Variants in SPATS2 observed in about 807,000 individuals in gnomAD.
SPATS2 encodes spermatogenesis associated serine rich 2.
SPATS2 carries 38 observed loss-of-function variants against 63.7 expected under a neutral mutation model. That is an observed-to-expected ratio of 0.60 (90% CI 0.46 to 0.78). The LOEUF (loss-of-function observed/expected upper bound fraction) is 0.78. SPATS2 is among the 30% of genes least tolerant of loss of function. The probability of loss-of-function intolerance (pLI) is 0.00; values close to 1 mark genes in which losing one functional copy is unlikely to be tolerated. For synonymous variants in SPATS2, 207 were observed against 232.9 expected, an observed-to-expected ratio of 0.89 and a Z score of 1.01; for missense variants, 588 against 666.2, an observed-to-expected ratio of 0.88 and a Z score of 1.29.
intron 4 of SPATS2, among the ~76,000 whole-genome samples, chr12:49,485,514 A>C (rs1946276583): frequency 6.6e-6 from 1 of 151,616 alleles, no homozygotes; most frequent in Admixed American, 6.6e-5. Flanking sequence ...GGCGTGCATC[A>C]TCACGCCCAG....
intron 2 of SPATS2, among the ~76,000 whole-genome samples, chr12:49,392,524 C>G (rs1944435339): frequency 1.3e-5 from 2 of 152,012 alleles, no homozygotes; most frequent in South Asian, 4.2e-4. Flanking sequence ...ACTAGCCTGG[C>G]CAACATGGCG....
intron 2 of SPATS2, among the ~76,000 whole-genome samples, chr12:49,428,808 C>G (rs1945128818): frequency 6.6e-6 from 1 of 152,112 alleles, no homozygotes; most frequent in Admixed American, 6.6e-5. Context: ...CTCCTAATTG[C>G]CTGGTTTTGT....
At position 49,387,812 on chromosome 12, in the gene SPATS2, G is replaced by A. The variant is rs115574393; in HGVS notation, c.-244+16522G>A. 4.7e-3 allele frequency among the ~76,000 whole-genome samples: 712 copies of A among 152,116 alleles called. 2 individuals carry two copies. Among genetic ancestry groups the A allele is most frequent in the African/African-American group, 0.017 (688 of 41,492 alleles). ...GGGAGTGTGGGGAGGGAGCAGGGGC[G>A]TTCTTACCTAGATCCCCTGCTGACA... On this transcript the variant is annotated intron_variant, in intron 2 of 13. Coordinates refer to ENST00000552918, the MANE Select transcript of SPATS2 (RefSeq NM_023071.4).
At chr12:49,433,355 G>T (rs1229407857) in intron 2 of SPATS2, among the ~76,000 whole-genome samples, 1 of 152,168 alleles carries the variant, frequency 6.6e-6, no homozygotes, top group Non-Finnish European at 1.5e-5. Context: ...TAGAGACAGG[G>T]TTTCACCATG....
chr12:49,494,231 A>T (rs543385232), intron 6 of SPATS2, among the ~76,000 whole-genome samples: 1 of 152,256 alleles, frequency 6.6e-6, no homozygotes, highest in Non-Finnish European at 1.5e-5. Flanking sequence ...TATACCCTCA[A>T]CCTTTATCAA....
intron 3 of SPATS2, chr12:49,462,351 A>G (rs1165828434): frequency 2.8e-6 from 2 of 702,408 alleles, no homozygotes; most frequent in Admixed American, 4.0e-5. Context: ...CAGTACCAGC[A>G]GGGGTGAACT....
At chr12:49,523,121 A>G (rs1188880059) in intron 12 of SPATS2, among the ~76,000 whole-genome samples, 1 of 152,140 alleles carries the variant, frequency 6.6e-6, no homozygotes, top group Non-Finnish European at 1.5e-5. Flanking sequence ...ATGGGGCCCT[A>G]CAGTCAGATC....
chr12:49,447,903 G>A (rs1238373824), intron 2 of SPATS2, among the ~76,000 whole-genome samples: 1 of 151,702 alleles, frequency 6.6e-6, no homozygotes, highest in African/African-American at 2.4e-5. Context: ...CCAACTTTTG[G>A]TTTTATTGCT....
At chr12:49,484,531 G>A (rs1454426672) in intron 3 of SPATS2, 59 bp from the exon 4 acceptor site, 2 of 1,551,504 alleles carry the variant, frequency 1.3e-6, no homozygotes, top group Non-Finnish European at 1.8e-6. Context: ...TGGCCCTTCT[G>A]TCTTAGGGAT....
At chr12:49,418,998 C>T (rs1944936119) in intron 2 of SPATS2, among the ~76,000 whole-genome samples, 2 of 152,164 alleles carry the variant, frequency 1.3e-5, no homozygotes, top group Admixed American at 1.3e-4. Flanking sequence ...CATTCTATAC[C>T]TTTTCATTTG....
intron 3 of SPATS2, among the ~76,000 whole-genome samples, chr12:49,462,075 A>G (rs1426546832): frequency 6.6e-6 from 1 of 152,182 alleles, no homozygotes; most frequent in African/African-American, 2.4e-5. Flanking sequence ...GTTCTGGAAA[A>G]GTTGAGCATT....
At position 49,467,447 on chromosome 12, in the gene SPATS2, A is replaced by C. The variant is rs559355391; in HGVS notation, c.25+6410A>C. On this transcript the variant is annotated intron_variant, in intron 3 of 13. Coordinates refer to ENST00000552918, the MANE Select transcript of SPATS2 (RefSeq NM_023071.4). ...GAAAGCAGACTTGGGGAGTAATTCA[A>C]GGTTGGAAGTGGGCTTGTTTGTGAT... is the stretch of plus-strand genomic sequence containing the variant. Among the ~76,000 whole-genome samples the C allele has an allele frequency of 5.3e-5, 8 of 152,178 alleles. No individual in the cohort carries two copies. In the East Asian group the frequency reaches 1.4e-3, roughly 26 times the overall value.
chr12:49,482,115 G>T (rs1946216942), intron 3 of SPATS2, among the ~76,000 whole-genome samples: 1 of 152,218 alleles, frequency 6.6e-6, no homozygotes, highest in Non-Finnish European at 1.5e-5. Context: ...GTTTAAAAAG[G>T]CAGTATCAGC....
intron 2 of SPATS2, among the ~76,000 whole-genome samples, chr12:49,410,728 G>A (rs1457276884): frequency 2.3e-4 from 35 of 151,978 alleles, no homozygotes; most frequent in Admixed American, 2.3e-3. Flanking sequence ...GTTAGATGCT[G>A]GGGAATATAG....
At chr12:49,525,213 G>A (rs1361800790) in intron 13 of SPATS2, among the ~76,000 whole-genome samples, 1 of 152,200 alleles carries the variant, frequency 6.6e-6, no homozygotes, top group Non-Finnish European at 1.5e-5. Context: ...GGCACCACAA[G>A]TGGCAGTTTT....
intron 2 of SPATS2, among the ~76,000 whole-genome samples, chr12:49,445,503 ATTTATTTTCT>A (rs1455997749): frequency 2.6e-5 from 4 of 151,508 alleles, no homozygotes; most frequent in Admixed American, 6.6e-5. Flanking sequence ...ATATATATAT[ATTTATTTTCT>A]TTTCTTTATC....
At chr12:49,434,149 T>C (rs887297882) in intron 2 of SPATS2, among the ~76,000 whole-genome samples, 8 of 152,332 alleles carry the variant, frequency 5.3e-5, no homozygotes, top group Non-Finnish European at 1.0e-4. Flanking sequence ...TGTATGTCTT[T>C]ATGCCAGTAC....
chr12:49,441,935 C>T (rs778233344), intron 2 of SPATS2: 1 of 152,168 alleles, frequency 6.6e-6, no homozygotes, highest in Non-Finnish European at 1.5e-5. Flanking sequence ...AAAGATGTTA[C>T]AGAGCGCACA....
At chr12:49,408,011 T>C (rs1214047355) in intron 2 of SPATS2, among the ~76,000 whole-genome samples, 1 of 152,208 alleles carries the variant, frequency 6.6e-6, no homozygotes. Flanking sequence ...AGCAGACGAC[T>C]GATTGAATGA....
Sources: allele counts gnomAD v4.1 joint callset (sites outside exome capture counted in the v4.1 genomes callset), GRCh38; gene constraint gnomAD v4.1.1; transcripts MANE v1.5; gene names NCBI Gene and HGNC (gene_info 2026-07-23, HGNC 2026-07-21).